Variants in PPP2R1B observed in about 807,000 individuals in gnomAD.
The protein encoded by PPP2R1B is protein phosphatase 2 scaffold subunit Abeta.
In PPP2R1B, 58 loss-of-function variants were observed where a neutral mutation model predicts 72.7. That is an observed-to-expected ratio of 0.80 (90% CI 0.65 to 0.99). The LOEUF (loss-of-function observed/expected upper bound fraction) is 0.99. Among genes scored for constraint, PPP2R1B ranks in the 50% least tolerant of loss-of-function variants. The probability of loss-of-function intolerance (pLI) is 0.00; values close to 1 mark genes in which losing one functional copy is unlikely to be tolerated. For missense variants in PPP2R1B, 695 were observed against 733.6 expected, an observed-to-expected ratio of 0.95 and a Z score of 0.61; for synonymous variants, 256 against 264.6, an observed-to-expected ratio of 0.97 and a Z score of 0.32.
chr11:111,713,909 G>A, the PPP2R1B span, among the ~76,000 whole-genome samples: 1 of 152,214 alleles, frequency 6.6e-6, no homozygotes, highest in African/African-American at 2.4e-5. Context: ...GGAGGTTGCA[G>A]TGAGCCGAGA....
the PPP2R1B span, chr11:111,688,276 C>A: frequency 9.7e-7 from 1 of 1,026,162 alleles, no homozygotes; most frequent in South Asian, 1.5e-5. The surrounding 1 kb of genome is among the most constrained non-coding windows in gnomAD (Gnocchi z 4.2). Context: ...TGACATCAGG[C>A]TATCTCAAAG....
chr11:111,738,177 T>C lies in PPP2R1B; in HGVS notation c.*3419A>G. On this transcript the variant is annotated 3_prime_UTR_variant, in exon 15 of 15. Coordinates refer to ENST00000527614, the MANE Select transcript of PPP2R1B (RefSeq NM_002716.5). ...ACAGTTACATCACATCAGACTGCAG[T>C]CACCTCAGCTGCTAAACCAGGAGAA... The C allele has an allele frequency of 2.0e-6, 2 of 985,792 alleles. No individual in the cohort carries two copies. Among genetic ancestry groups the C allele is most frequent in the Non-Finnish European group, 2.4e-6 (2 of 830,230 alleles). 61.1% of individuals were successfully genotyped at this position (985,792 alleles called of 1,614,324 possible).
chr11:111,750,822 T>G (rs1944875459), intron 10 of PPP2R1B, among the ~76,000 whole-genome samples: 1 of 150,436 alleles, frequency 6.6e-6, no homozygotes, highest in South Asian at 2.1e-4. Flanking sequence ...CATTACAAGC[T>G]TCAGTTTTTG....
At chr11:111,742,221 G>A (rs1331006329) in intron 13 of PPP2R1B, 77 bp from the exon 14 acceptor site, 5 of 1,100,682 alleles carry the variant, frequency 4.5e-6, no homozygotes, top group South Asian at 2.9e-5. Context: ...ATGGTTAATG[G>A]TAATTGTTAA....
chr11:111,732,036 C>G (rs1204793672), intron 15 of PPP2R1B, among the ~76,000 whole-genome samples: 1 of 152,226 alleles, frequency 6.6e-6, no homozygotes, highest in East Asian at 1.9e-4. Context: ...AAGGCTCCAG[C>G]AGGGTGGGGA....
intron 5 of PPP2R1B, 112 bp from the exon 6 acceptor site, chr11:111,755,562 A>T: frequency 1.1e-6 from 1 of 902,138 alleles, no homozygotes; most frequent in Non-Finnish European, 1.6e-6. Context: ...GCCACACCTT[A>T]TATAGTTTCA....
chr11:111,703,372 G>A, the PPP2R1B span: 3 of 1,614,086 alleles, frequency 1.9e-6, no homozygotes, highest in Non-Finnish European at 2.5e-6. Context: ...TTAATGAGCA[G>A]GTTCTGCGAC....
the PPP2R1B span, among the ~76,000 whole-genome samples, chr11:111,706,392 G>A: frequency 6.6e-6 from 1 of 152,148 alleles, no homozygotes; most frequent in African/African-American, 2.4e-5. Flanking sequence ...GAGAGGCTGA[G>A]GCTAGAAATT....
At chr11:111,721,477 CATACTAAAA>C in the PPP2R1B span, among the ~76,000 whole-genome samples, 1 of 152,178 alleles carries the variant, frequency 6.6e-6, no homozygotes, top group Non-Finnish European at 1.5e-5. Flanking sequence ...GTGGATTATT[CATACTAAAA>C]ATACAATAAA....
chr11:111,705,731 C>T, the PPP2R1B span, among the ~76,000 whole-genome samples: 1 of 152,116 alleles, frequency 6.6e-6, no homozygotes, highest in South Asian at 2.1e-4. The surrounding 1 kb of genome is among the most constrained non-coding windows in gnomAD (Gnocchi z 4.3). Context: ...ACTTACAATT[C>T]AAGAAGCAAC....
At chr11:111,746,758 T>C (rs1315529344) in intron 11 of PPP2R1B, among the ~76,000 whole-genome samples, 2 of 152,190 alleles carry the variant, frequency 1.3e-5, no homozygotes, top group Non-Finnish European at 2.9e-5. Context: ...TTCTTTCCTA[T>C]GATTTGCCAA....
rs782255142 is a variant in PPP2R1B, at chr11:111,754,487, A to C, written c.1029+12T>G. ...TATAAAAGAGAGTGAAACAAAATAA[A>C]GTCAGGTTTACCTTTATATAAGGCA... On this transcript the variant is annotated intron_variant, in intron 8 of 14. Coordinates refer to ENST00000527614, the MANE Select transcript of PPP2R1B (RefSeq NM_002716.5). 6.3e-7 allele frequency: 1 copy of C among 1,589,612 alleles called. No individual in the cohort carries two copies. Among genetic ancestry groups the C allele is most frequent in the Non-Finnish European group, 8.5e-7 (1 of 1,174,080 alleles).
At chr11:111,731,020 G>A (rs1944174017) in intron 15 of PPP2R1B, among the ~76,000 whole-genome samples, 2 of 152,240 alleles carry the variant, frequency 1.3e-5, no homozygotes, top group Admixed American at 1.3e-4. Context: ...GACGTCAGCA[G>A]GGTAAATAAT....
chr11:111,753,689 TGAC>T, intron 8 of PPP2R1B, 112 bp from the exon 9 acceptor site: 1 of 1,109,730 alleles, frequency 9.0e-7, no homozygotes, highest in Non-Finnish European at 1.2e-6. Flanking sequence ...TGCAGTGGCA[TGAC>T]CTTGGCTCAC....
the PPP2R1B span, among the ~76,000 whole-genome samples, chr11:111,695,118 C>A: frequency 1.3e-5 from 2 of 152,214 alleles, no homozygotes; most frequent in African/African-American, 4.8e-5. Context: ...CTCCACCTCT[C>A]ATTTGTCAGC....
downstream of PPP2R1B, among the ~76,000 whole-genome samples, chr11:111,737,005 C>A (rs1411659020): frequency 6.6e-6 from 1 of 152,322 alleles, no homozygotes; most frequent in Middle Eastern, 3.4e-3. Context: ...GCTTGTAGAA[C>A]ATCTGAGCTG....
At chr11:111,759,236 G>T (rs1034788407) in intron 5 of PPP2R1B, among the ~76,000 whole-genome samples, 1 of 152,180 alleles carries the variant, frequency 6.6e-6, no homozygotes, top group Admixed American at 6.5e-5. Flanking sequence ...TGGGGCTGTT[G>T]TAAGGACTGA....
At position 111,743,480 on chromosome 11, in the gene PPP2R1B, T is replaced by A. The variant is rs1055872456; in HGVS notation, c.1450A>T (p.Lys484Ter). 1 of 1,614,106 alleles carries A rather than the reference T, an allele frequency of 6.2e-7. No homozygotes were observed. The highest frequency in any genetic ancestry group is 1.3e-5 in the African/African-American group (1 of 75,032). Reference sequence around the variant, plus strand: ...TTTTGGGCCCACTCTGTACCAAACTTCTGAACTAGTTTCATGAGGTTGTTG... The same window carrying A: ...TTTTGGGCCCACTCTGTACCAAACTACTGAACTAGTTTCATGAGGTTGTTG... ...ATNNLMKLVQKFGTEWAQNTI... is the reference protein window; with the variant it reads ...ATNNLMKLVQ Residue 484 changes from lysine to a stop codon, truncating the protein, a stop_gained, in exon 12 of 15, where the codon AAG (lysine) becomes TAG (stop). Coordinates refer to ENST00000527614, the MANE Select transcript of PPP2R1B (RefSeq NM_002716.5). LOFTEE classifies it high-confidence loss of function.
intron 15 of PPP2R1B, chr11:111,728,923 CAAA>C (rs753877747): frequency 5.5e-5 from 5 of 91,060 alleles, no homozygotes; most frequent in Middle Eastern, 5.9e-3. Flanking sequence ...GACTCCACCT[CAAA>C]AAAAAAAAAA....
Sources: allele counts gnomAD v4.1 joint callset (sites outside exome capture counted in the v4.1 genomes callset), GRCh38; gene constraint gnomAD v4.1.1; non-coding constraint Gnocchi (gnomAD v3.1); transcripts MANE v1.5; gene names NCBI Gene and HGNC (gene_info 2026-07-23, HGNC 2026-07-21).